Variants in GRM8 observed in about 807,000 individuals in gnomAD.
GRM8 encodes glutamate metabotropic receptor 8, also known as metabotropic glutamate receptor 8.
A neutral mutation model predicts 87.2 loss-of-function variants in GRM8; 47 were observed. That is an observed-to-expected ratio of 0.54 (90% CI 0.43 to 0.69). The LOEUF (loss-of-function observed/expected upper bound fraction) is 0.69. Ranked by LOEUF, GRM8 falls within the 30% of genes least tolerant of loss-of-function variation. The probability of loss-of-function intolerance (pLI) is 0.00; values close to 1 mark genes in which losing one functional copy is unlikely to be tolerated. For synonymous variants in GRM8, 396 were observed against 404.5 expected (o/e 0.98, Z 0.25); for missense variants, 1,019 against 1,139.2 (o/e 0.89, Z 1.52).
At chr7:126,791,329 C>T (rs1028745333) in intron 6 of GRM8, among the ~76,000 whole-genome samples, 1 of 152,230 alleles carries the variant, frequency 6.6e-6, no homozygotes, top group Admixed American at 6.5e-5. Flanking sequence ...GCTTTCACAA[C>T]ACAGACCTTC....
Position 126,544,803 on chromosome 7 carries a change from T to A in GRM8, c.1495-10916A>T, listed in dbSNP as rs1816955400. Among the ~76,000 whole-genome samples the A allele has an allele frequency of 1.3e-5, 2 of 152,108 alleles. 1 individual carries two copies. The highest frequency in any genetic ancestry group is 4.8e-5 in the African/African-American group (2 of 41,432). ...GATTACAGACATGAGCCACCGCACC[T>A]GGCCTTCAAAGTATTTTATGAACAG... On this transcript the variant is annotated intron_variant, in intron 8 of 10. Coordinates refer to ENST00000339582, the MANE Select transcript of GRM8 (RefSeq NM_000845.3).
intron 9 of GRM8, among the ~76,000 whole-genome samples, chr7:126,460,728 G>C (rs566303919): frequency 1.3e-5 from 2 of 151,560 alleles, no homozygotes; most frequent in Non-Finnish European, 3.0e-5. Flanking sequence ...AAATACAAGA[G>C]AGTGAAGGAG....
At chr7:127,124,498 C>T (rs1227005243) in intron 2 of GRM8, among the ~76,000 whole-genome samples, 2 of 152,092 alleles carry the variant, frequency 1.3e-5, no homozygotes, top group African/African-American at 4.8e-5. Flanking sequence ...AGTGAGGTTC[C>T]CTGAGGCCTG....
intron 8 of GRM8, among the ~76,000 whole-genome samples, chr7:126,551,607 T>G (rs1792595153): frequency 6.6e-6 from 1 of 152,138 alleles, no homozygotes; most frequent in African/African-American, 2.4e-5. Flanking sequence ...GGATTCACCA[T>G]TTGGCCTAAA....
chr7:126,848,581 G>A (rs1370892451), intron 6 of GRM8, among the ~76,000 whole-genome samples: 1 of 152,096 alleles, frequency 6.6e-6, no homozygotes, highest in African/African-American at 2.4e-5. Context: ...CAGCACTTTT[G>A]GAGGCCAAGG....
At chr7:127,144,223 A>G (rs901755501) in intron 2 of GRM8, among the ~76,000 whole-genome samples, 2 of 152,124 alleles carry the variant, frequency 1.3e-5, no homozygotes, top group African/African-American at 4.8e-5. Flanking sequence ...ATCTCATTCC[A>G]CTAGACATTA....
chr7:126,829,067 T>TA (rs1488059963), intron 6 of GRM8, among the ~76,000 whole-genome samples: 4 of 152,028 alleles, frequency 2.6e-5, no homozygotes, highest in African/African-American at 9.7e-5. Flanking sequence ...GTCTGAGAGA[T>TA]AGTTTGTTAT....
intron 7 of GRM8, among the ~76,000 whole-genome samples, chr7:126,769,494 C>A (rs1818589100): frequency 6.6e-6 from 1 of 152,066 alleles, no homozygotes; most frequent in Non-Finnish European, 1.5e-5. Context: ...AGCTTAAAAT[C>A]AGTTTCAAAA....
chr7:126,657,908 T>C (rs953381982), intron 7 of GRM8, among the ~76,000 whole-genome samples: 3 of 152,234 alleles, frequency 2.0e-5, no homozygotes, highest in African/African-American at 7.2e-5. Flanking sequence ...TCCCTAATCC[T>C]CATTATAGAT....
intron 8 of GRM8, among the ~76,000 whole-genome samples, chr7:126,552,375 G>A (rs1480511507): frequency 1.3e-5 from 2 of 152,062 alleles, no homozygotes; most frequent in Non-Finnish European, 2.9e-5. Flanking sequence ...CACAAAAAAG[G>A]TGCTAATAAT....
At chr7:127,228,621 T>G (rs902796826) in intron 2 of GRM8, 1 of 152,190 alleles carries the variant, frequency 6.6e-6, no homozygotes, top group African/African-American at 2.4e-5. Context: ...TTCTAAGGTT[T>G]CATGATTCCA....
chr7:127,177,487 T>C (rs1283353422), intron 2 of GRM8, among the ~76,000 whole-genome samples: 3 of 152,220 alleles, frequency 2.0e-5, no homozygotes, highest in Non-Finnish European at 4.4e-5. Flanking sequence ...GCCCTCTCCA[T>C]ACTACTACAG....
chr7:126,506,764 G>A (rs1237502786), intron 9 of GRM8, among the ~76,000 whole-genome samples: 1 of 151,388 alleles, frequency 6.6e-6, no homozygotes, highest in African/African-American at 2.4e-5. Context: ...GGGCAACAGA[G>A]TAAGACTCTG....
At chr7:126,519,956 G>A (rs959501932) in intron 9 of GRM8, among the ~76,000 whole-genome samples, 1 of 151,438 alleles carries the variant, frequency 6.6e-6, no homozygotes. Context: ...AAGAGAAGTC[G>A]GTGTCAACTT....
chr7:126,676,837 C>A (rs1490248355), intron 7 of GRM8, among the ~76,000 whole-genome samples: 1 of 152,042 alleles, frequency 6.6e-6, no homozygotes, highest in African/African-American at 2.4e-5. Flanking sequence ...GGCTAAGACC[C>A]CAAAAGCGAA....
chr7:126,903,537 AT>A (rs1195929004), intron 5 of GRM8, among the ~76,000 whole-genome samples: 3 of 150,104 alleles, frequency 2.0e-5, no homozygotes, highest in African/African-American at 7.3e-5. Flanking sequence ...TCTTAAAAAA[AT>A]ATAATGGGTC....
At chr7:127,138,920 C>G (rs190944625) in intron 2 of GRM8, among the ~76,000 whole-genome samples, 1 of 152,264 alleles carries the variant, frequency 6.6e-6, no homozygotes, top group East Asian at 1.9e-4. Context: ...TCTGTCCTTA[C>G]TAACACTGGC....
At chr7:126,735,498 C>T (rs1814102572) in intron 7 of GRM8, among the ~76,000 whole-genome samples, 1 of 151,942 alleles carries the variant, frequency 6.6e-6, no homozygotes, top group Non-Finnish European at 1.5e-5. Context: ...ATGTATATGA[C>T]TATGAACAGC....
intron 3 of GRM8, among the ~76,000 whole-genome samples, chr7:127,015,043 GAAGAAGAAGAAGAAGAAGAAGAAGA>G (rs1269490893): frequency 2.4e-5 from 3 of 124,030 alleles, no homozygotes; most frequent in African/African-American, 5.8e-5. Context: ...AGAAGAAGAA[GAAGAAGAAGAAGAAGAAGAAGAAGA>G]AAGAAAGAAG....
Sources: gnomAD v4.1 joint callset for allele counts (sites outside exome capture counted in the v4.1 genomes callset) on GRCh38, gnomAD v4.1.1 for gene constraint, MANE v1.5 for transcripts, NCBI Gene and HGNC (gene_info 2026-07-23, HGNC 2026-07-21) for gene names.